METTL22: variants seen among roughly 807,000 people sequenced by gnomAD.
METTL22 encodes methyltransferase-like protein 22.
In METTL22, 51 loss-of-function variants were observed where a neutral mutation model predicts 48.4. That is an observed-to-expected ratio of 1.05 (90% CI 0.84 to 1.33). The LOEUF is 1.33. Among genes scored for constraint, METTL22 ranks in the 40% most tolerant of loss-of-function variants. METTL22 has a pLI of 0.00. For missense variants in METTL22, 678 were observed against 526.9 expected (o/e 1.29, Z -2.81); for synonymous variants, 255 against 214.1 (o/e 1.19, Z -1.67).
chr16:8,640,919 T>TAGAAGGAAGGGCC (rs2056587593), intron 6 of METTL22, among the ~76,000 whole-genome samples: 1 of 80,380 alleles, frequency 1.2e-5, no homozygotes, highest in Non-Finnish European at 2.7e-5. Flanking sequence ...GATGGATGGA[T>TAGAAGGAAGGGCC]GGATGGATGG....
the METTL22 span, among the ~76,000 whole-genome samples, chr16:8,664,825 T>C: frequency 6.6e-6 from 1 of 151,692 alleles, no homozygotes; most frequent in South Asian, 2.1e-4. Flanking sequence ...GACATTGAGG[T>C]CTTTCATGCA....
chr16:8,644,408 C>A, intron 9 of METTL22, 149 bp from the exon 10 acceptor site: 1 of 722,280 alleles, frequency 1.4e-6, no homozygotes, highest in Non-Finnish European at 2.3e-6. Context: ...AGGAATTGCA[C>A]TCACACACTC....
At chr16:8,659,622 C>A in the METTL22 span, among the ~76,000 whole-genome samples, 3 of 152,216 alleles carry the variant, frequency 2.0e-5, no homozygotes, top group South Asian at 6.2e-4. Flanking sequence ...GAACCACAGT[C>A]CAAAAGCTAC....
intron 3 of METTL22, among the ~76,000 whole-genome samples, chr16:8,630,679 G>A (rs777287915): frequency 1.3e-5 from 2 of 152,182 alleles, no homozygotes; most frequent in Non-Finnish European, 2.9e-5. Flanking sequence ...TATGAGCTAA[G>A]AACAAAGTCC....
At chr16:8,663,999 C>G in the METTL22 span, among the ~76,000 whole-genome samples, 5 of 152,172 alleles carry the variant, frequency 3.3e-5, no homozygotes, top group African/African-American at 1.2e-4. Context: ...AAAACTGTCT[C>G]CAGCTGTGGC....
chr16:8,622,436 G>A (rs893119803), intron 1 of METTL22, among the ~76,000 whole-genome samples: 1 of 152,142 alleles, frequency 6.6e-6, no homozygotes, highest in Non-Finnish European at 1.5e-5. Flanking sequence ...AGCTCCTGCT[G>A]CAGGGATGAG....
chr16:8,661,166 A>G, the METTL22 span, among the ~76,000 whole-genome samples: 5 of 152,094 alleles, frequency 3.3e-5, no homozygotes, highest in Non-Finnish European at 7.4e-5. Context: ...ATCCAGGGCC[A>G]GACGTGCCAG....
At chr16:8,631,004 G>A (rs1035924035) in intron 3 of METTL22, among the ~76,000 whole-genome samples, 18 of 152,196 alleles carry the variant, frequency 1.2e-4, no homozygotes, top group African/African-American at 3.6e-4. Context: ...AGAACCACAT[G>A]GTCAGAACCA....
At chr16:8,623,529 G>C in intron 1 of METTL22, 1 of 152,120 alleles carries the variant, frequency 6.6e-6, no homozygotes, top group East Asian at 1.9e-4. Context: ...TTCTCTTCTG[G>C]AATCTGGTGT....
At chr16:8,639,406 TGGC>T in intron 6 of METTL22, 1 of 574,776 alleles carries the variant, frequency 1.7e-6, no homozygotes. Context: ...TCCCGGACAC[TGGC>T]GGCGGCCCCT....
chr16:8,636,129 T>C (rs1233875471), intron 5 of METTL22, among the ~76,000 whole-genome samples: 1 of 152,186 alleles, frequency 6.6e-6, no homozygotes, highest in Non-Finnish European at 1.5e-5. Context: ...CCGTGTCACC[T>C]TCTGGAATCC....
At position 8,635,057 on chromosome 16, in the gene METTL22, C is replaced by T; in HGVS notation, c.533C>T (p.Pro178Leu). 1 of 1,613,768 alleles carries T rather than the reference C, an allele frequency of 6.2e-7. No homozygotes were observed. The highest frequency in any genetic ancestry group is 2.2e-5 in the East Asian group (1 of 44,882). Residue 178 changes from proline to leucine, a missense_variant, in exon 4 of 11, where the codon CCC becomes CTC. Coordinates refer to ENST00000381920, the MANE Select transcript of METTL22 (RefSeq NM_024109.4). Reference protein sequence around the residue: ...IIRIEHTMATPLEDVGKQVWR... With the variant: ...IIRIEHTMATLLEDVGKQVWR... ...CATCCAGAGCACACCATGGCCACGCCCCTGGAGGATGTTGGCAAGCAGGTG... is the reference window on the plus strand; with the variant it reads ...CATCCAGAGCACACCATGGCCACGCTCCTGGAGGATGTTGGCAAGCAGGTG...
chr16:8,635,020 T>G lies in METTL22; in HGVS notation c.515-19T>G, dbSNP rs996935678. 6.2e-7 allele frequency: 1 copy of G among 1,613,050 alleles called. No individual in the cohort carries two copies. The highest frequency in any genetic ancestry group is 1.3e-5 in the African/African-American group (1 of 74,900). The stretch of plus-strand genomic sequence containing the variant: ...CCCATTTCACAGTGGGCATTTCTCT[T>G]GGTTTCTGTCCCATCCAGAGCACAC... On this transcript the variant is annotated intron_variant, in intron 3 of 10. Coordinates refer to ENST00000381920, the MANE Select transcript of METTL22 (RefSeq NM_024109.4).
the METTL22 span, among the ~76,000 whole-genome samples, chr16:8,656,205 C>T: frequency 1.3e-5 from 2 of 152,102 alleles, no homozygotes; most frequent in South Asian, 4.1e-4. Context: ...CCTCAGCCTC[C>T]CAAGGAGCTA....
intron 7 of METTL22, chr16:8,641,726 A>T (rs535515822): frequency 2.6e-6 from 1 of 390,498 alleles, no homozygotes; most frequent in African/African-American, 2.1e-5. Context: ...TGCGCACCGT[A>T]GGCCCTTCGG....
At chr16:8,661,137 TGG>T in the METTL22 span, among the ~76,000 whole-genome samples, 16 of 151,986 alleles carry the variant, frequency 1.1e-4, no homozygotes, top group African/African-American at 3.9e-4. Context: ...CACCACAAGG[TGG>T]TGCCCCAGCC....
downstream of METTL22, among the ~76,000 whole-genome samples, chr16:8,650,727 T>G (rs1894868): frequency 0.99 from 150,458 of 152,360 alleles, 74,325 homozygotes; most frequent in Middle Eastern, 1. Flanking sequence ...AAAATTTCAT[T>G]TATCAATAAA....
chr16:8,627,945 G>T (rs777872416), intron 2 of METTL22, among the ~76,000 whole-genome samples: 2 of 152,064 alleles, frequency 1.3e-5, no homozygotes, highest in African/African-American at 2.4e-5. Flanking sequence ...TTACCATGTT[G>T]CCCAGGCTGG....
chr16:8,622,327 A>G (rs1025195504), intron 1 of METTL22, among the ~76,000 whole-genome samples: 1 of 152,244 alleles, frequency 6.6e-6, no homozygotes, highest in African/African-American at 2.4e-5. Flanking sequence ...ATCCCAGCAC[A>G]CTGCTTATTT....
Sources: allele counts gnomAD v4.1 joint callset (sites outside exome capture counted in the v4.1 genomes callset), GRCh38; gene constraint gnomAD v4.1.1; transcripts MANE v1.5; gene names NCBI Gene and HGNC (gene_info 2026-07-23, HGNC 2026-07-21).